ABCD3: variants seen among roughly 807,000 people sequenced by gnomAD.
The protein encoded by ABCD3 is ATP binding cassette subfamily D member 3.
ABCD3 carries 41 observed loss-of-function variants against 105.5 expected under a neutral mutation model. That is an observed-to-expected ratio of 0.39 (90% CI 0.30 to 0.50). ABCD3 has a LOEUF of 0.50. Among genes scored for constraint, ABCD3 ranks in the 20% least tolerant of loss-of-function variants. The pLI is 0.84. For synonymous variants in ABCD3, 258 were observed against 269.0 expected, an observed-to-expected ratio of 0.96 and a Z score of 0.40; for missense variants, 622 against 806.3, an observed-to-expected ratio of 0.77 and a Z score of 2.77.
intron 1 of ABCD3, among the ~76,000 whole-genome samples, chr1:94,422,294 G>A (rs1659289807): frequency 6.6e-6 from 1 of 152,192 alleles, no homozygotes; most frequent in African/African-American, 2.4e-5. Context: ...TGTCAGATCA[G>A]CAGGGGCATT....
At chr1:94,489,634 A>G (rs573384952) in intron 13 of ABCD3, 91 bp from the exon 14 acceptor site, 2 of 881,640 alleles carry the variant, frequency 2.3e-6, no homozygotes, top group Non-Finnish European at 1.9e-6. Flanking sequence ...TTTATACTAA[A>G]TTATAATTTT....
At chr1:94,466,279 GTTCT>G (rs969371737) in intron 3 of ABCD3, among the ~76,000 whole-genome samples, 4 of 152,188 alleles carry the variant, frequency 2.6e-5, no homozygotes, top group East Asian at 3.9e-4. Context: ...TATTATAAAT[GTTCT>G]TTCTAAGTAT....
At chr1:94,460,536 G>A (rs1647818487) in intron 2 of ABCD3, among the ~76,000 whole-genome samples, 1 of 152,082 alleles carries the variant, frequency 6.6e-6, no homozygotes, top group Non-Finnish European at 1.5e-5. Context: ...CTTTCAGTAA[G>A]TAATAAGTTT....
chr1:94,388,112 T>TAGG, the ABCD3 span, among the ~76,000 whole-genome samples: 2 of 152,184 alleles, frequency 1.3e-5, no homozygotes, highest in Non-Finnish European at 2.9e-5. Context: ...CAAGTAAAAT[T>TAGG]TACTTATAGT....
intron 8 of ABCD3, among the ~76,000 whole-genome samples, chr1:94,479,095 T>A (rs911937421): frequency 2.0e-5 from 3 of 152,236 alleles, no homozygotes; most frequent in African/African-American, 7.2e-5. Context: ...CTGGTTTTTG[T>A]TGCTTTCCAA....
chr1:94,503,105 TG>T (rs371764977), intron 20 of ABCD3, among the ~76,000 whole-genome samples: 22 of 152,302 alleles, frequency 1.4e-4, no homozygotes, highest in African/African-American at 5.1e-4. Context: ...GTATTTTATG[TG>T]TGGCCCAAGA....
intron 1 of ABCD3, among the ~76,000 whole-genome samples, chr1:94,441,791 C>T (rs1329589355): frequency 6.6e-6 from 1 of 152,024 alleles, no homozygotes; most frequent in Admixed American, 6.6e-5. Context: ...ATGTTATTTG[C>T]TCATTTTGTA....
intron 1 of ABCD3, among the ~76,000 whole-genome samples, chr1:94,449,475 T>C (rs370488210): frequency 2.0e-5 from 3 of 152,222 alleles, no homozygotes; most frequent in East Asian, 1.9e-4. Context: ...GGCATATTTA[T>C]CAATCTTGGC....
intron 21 of ABCD3, among the ~76,000 whole-genome samples, chr1:94,509,644 T>G (rs1460377574): frequency 6.6e-6 from 1 of 152,218 alleles, no homozygotes; most frequent in Admixed American, 6.5e-5. Context: ...GGTAAGCTAT[T>G]GATTATTGCC....
chr1:94,453,608 G>A (rs555204785), intron 1 of ABCD3, among the ~76,000 whole-genome samples: 97 of 151,802 alleles, frequency 6.4e-4, no homozygotes, highest in African/African-American at 2.1e-3. Flanking sequence ...GTGAGCCACC[G>A]CGCCCAGCCG....
At chr1:94,511,890 C>A (rs1316012471) in intron 21 of ABCD3, among the ~76,000 whole-genome samples, 3 of 152,078 alleles carry the variant, frequency 2.0e-5, no homozygotes, top group African/African-American at 7.2e-5. Flanking sequence ...GTTATACATT[C>A]TTCTAAACTT....
At chr1:94,510,943 C>T (rs1570841873) in intron 21 of ABCD3, among the ~76,000 whole-genome samples, 2 of 152,084 alleles carry the variant, frequency 1.3e-5, no homozygotes, top group Admixed American at 1.3e-4. Context: ...GACTCCTTAT[C>T]CAATTTGCCA....
At chr1:94,469,520 C>T (rs1206986908) in intron 4 of ABCD3, among the ~76,000 whole-genome samples, 1 of 145,768 alleles carries the variant, frequency 6.9e-6, no homozygotes, top group Non-Finnish European at 1.5e-5. Flanking sequence ...AAACCTACTT[C>T]CCCCTAATTC....
At chr1:94,482,100 G>C (rs1004462489) in intron 9 of ABCD3, 7 of 152,156 alleles carry the variant, frequency 4.6e-5, no homozygotes. Context: ...CATAGGCTTA[G>C]GTGTGGAGAG....
intron 1 of ABCD3, among the ~76,000 whole-genome samples, chr1:94,442,423 C>G (rs1660167394): frequency 6.6e-6 from 1 of 152,120 alleles, no homozygotes; most frequent in South Asian, 2.1e-4. Flanking sequence ...CTTTAGTTAT[C>G]AACTTTTGCA....
chr1:94,480,472 G>A lies in ABCD3; in HGVS notation c.693G>A (p.Ala231=), dbSNP rs776420453. 6.8e-6 allele frequency: 11 copies of A among 1,613,640 alleles called. No individual in the cohort carries two copies. The highest frequency in any genetic ancestry group is 6.7e-5 in the Admixed American group (4 of 59,968). The change falls in exon 9 of 23, where the codon GCG becomes GCA. Residue 231 remains alanine (A), a synonymous_variant. Transcript: ENST00000370214. ...TCTCCCAATAATAATAGGGCCCAGCGAGCATGATGGCCTACTTGGTTGTTT... is the reference window on the plus strand; with the variant it reads ...TCTCCCAATAATAATAGGGCCCAGCAAGCATGATGGCCTACTTGGTTGTTT... ...LTSAIGAQGP[A]SMMAYLVVSG... is the part of the protein sequence containing the mutation.
chr1:94,496,163 T>TA (rs1266547843), intron 16 of ABCD3, among the ~76,000 whole-genome samples: 4 of 152,216 alleles, frequency 2.6e-5, no homozygotes, highest in Admixed American at 2.6e-4. Context: ...TTTACAGTGT[T>TA]ATGCAGCCAC....
chr1:94,507,539 A>G (rs1435626708), intron 21 of ABCD3, among the ~76,000 whole-genome samples: 1 of 151,838 alleles, frequency 6.6e-6, no homozygotes, highest in African/African-American at 2.4e-5. Flanking sequence ...TGGTATTTCT[A>G]GTTCTAGATC....
rs1008761273 is a variant in ABCD3 at position 94,453,413 on chromosome 1, G to C, written c.111-5194G>C. ...GGCTCACTGCAGGCTCCGCCTCCCG[G>C]GTTCACGCCATTCTCCTGCCTCAGC... is the stretch of plus-strand genomic sequence containing the variant. On this transcript the variant is annotated intron_variant, in intron 1 of 22. Coordinates refer to ENST00000370214, the MANE Select transcript of ABCD3 (RefSeq NM_002858.4). Among the ~76,000 whole-genome samples the C allele has an allele frequency of 8.6e-5, 13 of 151,404 alleles. 2 individuals are homozygous for C. The highest frequency in any genetic ancestry group is 2.9e-4 in the African/African-American group (12 of 41,310).
Sources: gnomAD v4.1 joint callset for allele counts (sites outside exome capture counted in the v4.1 genomes callset) on GRCh38, gnomAD v4.1.1 for gene constraint, MANE v1.5 for transcripts, NCBI Gene and HGNC (gene_info 2026-07-23, HGNC 2026-07-21) for gene names.